The following THSD7B variants were observed in gnomAD, a reference collection of about 807,000 sequenced individuals.
THSD7B encodes the protein thrombospondin type-1 domain-containing protein 7B.
In THSD7B, 138 loss-of-function variants were observed where a neutral mutation model predicts 213.6. That is an observed-to-expected ratio of 0.65 (90% CI 0.56 to 0.74). The LOEUF (loss-of-function observed/expected upper bound fraction) is 0.74, where lower values mean the gene tolerates loss of function less well. Ranked by LOEUF, THSD7B falls within the 30% of genes least tolerant of loss-of-function variation. The probability of loss-of-function intolerance (pLI) is 0.00; values close to 1 mark genes in which losing one functional copy is unlikely to be tolerated. For missense variants in THSD7B, 1,931 were observed against 1,991.5 expected (o/e 0.97, Z 0.58); for synonymous variants, 742 against 687.0 (o/e 1.08, Z -1.25).
rs545228228 is a variant in THSD7B at position 137,141,327 on chromosome 2, T to G, written c.1370-18886T>G. On this transcript the variant is annotated intron_variant, in intron 5 of 27. Transcript: ENST00000409968. ...TAAGGATACATCTTCTGTAGAGAAT[T>G]TATAACAAAACTAAGACCAATCAGA... Among the ~76,000 whole-genome samples, 4 of 152,158 alleles carry G rather than the reference T, an allele frequency of 2.6e-5. 1 individual carries two copies. The East Asian group carries it at 7.7e-4, about 29-fold the overall frequency.
intron 4 of THSD7B, among the ~76,000 whole-genome samples, chr2:137,100,617 C>T (rs983642837): frequency 6.6e-6 from 1 of 152,002 alleles, no homozygotes; most frequent in South Asian, 2.1e-4. Flanking sequence ...TAGAAAAGTG[C>T]CTGGCTCGTA....
intron 2 of THSD7B, among the ~76,000 whole-genome samples, chr2:137,052,699 A>G (rs548102184): frequency 1.3e-5 from 2 of 152,246 alleles, no homozygotes; most frequent in Non-Finnish European, 2.9e-5. Flanking sequence ...TGCCAGTCAC[A>G]TTTTACTTCA....
chr2:136,837,119 C>T (rs1041755084), intron 1 of THSD7B, among the ~76,000 whole-genome samples: 22 of 152,146 alleles, frequency 1.4e-4, no homozygotes, highest in African/African-American at 4.1e-4. Flanking sequence ...CTTAACCTGG[C>T]GGGTCTGTAT....
chr2:137,355,200 T>C (rs951724943), intron 12 of THSD7B, among the ~76,000 whole-genome samples: 1 of 152,188 alleles, frequency 6.6e-6, no homozygotes, highest in Admixed American at 6.6e-5. Flanking sequence ...AGTCTTGGGT[T>C]GAGTTTTATT....
At chr2:137,553,885 T>A (rs190062715) in intron 15 of THSD7B, among the ~76,000 whole-genome samples, 184 of 152,322 alleles carry the variant, frequency 1.2e-3, no homozygotes, top group Middle Eastern at 0.01. Context: ...GAATTGGGCA[T>A]CTGGGTAGTT....
At position 137,318,937 on chromosome 2, in the gene THSD7B, C is replaced by T. The variant is rs547757069; in HGVS notation, c.2500+42911C>T. 2.0e-4 allele frequency among the ~76,000 whole-genome samples: 30 copies of T among 151,380 alleles called. No homozygotes were observed. In the South Asian group the frequency reaches 4.2e-3, roughly 21 times the overall value. ...AGCCTCCCAAGTAGCCACAGGCACC[C>T]GCTTATCTTAAAGGAAGTTCTGAAG... On this transcript the variant is annotated intron_variant, in intron 12 of 27. Transcript: ENST00000409968.
intron 15 of THSD7B, among the ~76,000 whole-genome samples, chr2:137,506,721 G>A (rs796655197): frequency 3.3e-5 from 5 of 152,296 alleles, no homozygotes; most frequent in African/African-American, 1.2e-4. Flanking sequence ...CAGGTTTTAG[G>A]ATGACCTCCT....
At chr2:136,769,615 G>T (rs555762493) in intron 1 of THSD7B, among the ~76,000 whole-genome samples, 1 of 150,518 alleles carries the variant, frequency 6.6e-6, no homozygotes, top group South Asian at 2.1e-4. Flanking sequence ...ATACTGTTGT[G>T]ATGACTAAAA....
chr2:137,129,266 A>C (rs1428787943), intron 5 of THSD7B, among the ~76,000 whole-genome samples: 5 of 152,148 alleles, frequency 3.3e-5, no homozygotes, highest in Non-Finnish European at 5.9e-5. Context: ...CAACTTATTA[A>C]GACTTTTCTC....
intron 15 of THSD7B, among the ~76,000 whole-genome samples, chr2:137,456,849 C>A (rs1687772967): frequency 6.6e-6 from 1 of 152,152 alleles, no homozygotes; most frequent in African/African-American, 2.4e-5. Flanking sequence ...CCTCTCTCTG[C>A]ATAGTAATAA....
chr2:137,559,241 G>T (rs1176890965), intron 15 of THSD7B, among the ~76,000 whole-genome samples: 1 of 152,108 alleles, frequency 6.6e-6, no homozygotes, highest in Non-Finnish European at 1.5e-5. Context: ...AACCAAAAAA[G>T]AGCCCGCATT....
At chr2:137,043,973 A>C (rs918877574) in intron 2 of THSD7B, among the ~76,000 whole-genome samples, 1 of 152,324 alleles carries the variant, frequency 6.6e-6, no homozygotes, top group African/African-American at 2.4e-5. Flanking sequence ...ACCCTTCAGA[A>C]CAATAATCTC....
chr2:137,588,640 A>G (rs1411510050), intron 17 of THSD7B, among the ~76,000 whole-genome samples: 2 of 152,108 alleles, frequency 1.3e-5, no homozygotes, highest in Admixed American at 6.5e-5. Context: ...TTTTTAGCTC[A>G]TATAGTCTCA....
At chr2:137,498,176 A>G in intron 15 of THSD7B, among the ~76,000 whole-genome samples, 1 of 152,224 alleles carries the variant, frequency 6.6e-6, no homozygotes, top group South Asian at 2.1e-4. Flanking sequence ...AAATTAAATT[A>G]ATCTATGGAT....
chr2:137,280,389 T>C (rs1682979230), intron 12 of THSD7B, among the ~76,000 whole-genome samples: 1 of 152,158 alleles, frequency 6.6e-6, no homozygotes, highest in African/African-American at 2.4e-5. Context: ...TCTTTTTCAT[T>C]TGAAAGGATA....
chr2:137,111,359 G>A (rs1317328794), intron 4 of THSD7B, among the ~76,000 whole-genome samples: 2 of 152,102 alleles, frequency 1.3e-5, no homozygotes, highest in African/African-American at 4.8e-5. Flanking sequence ...TGTACTACTT[G>A]ATTGAGCTTT....
At chr2:137,367,113 C>A (rs890763553) in intron 12 of THSD7B, among the ~76,000 whole-genome samples, 1 of 151,960 alleles carries the variant, frequency 6.6e-6, no homozygotes, top group African/African-American at 2.4e-5. Flanking sequence ...CTTTCCCTGG[C>A]ATCCATGATG....
At chr2:137,341,496 T>TA (rs984330288) in intron 12 of THSD7B, among the ~76,000 whole-genome samples, 2 of 151,624 alleles carry the variant, frequency 1.3e-5, no homozygotes, top group African/African-American at 4.8e-5. Context: ...TGGGGTCAAA[T>TA]AAAAAAACAA....
intron 6 of THSD7B, among the ~76,000 whole-genome samples, chr2:137,169,947 G>A (rs947239530): frequency 6.6e-6 from 1 of 152,152 alleles, no homozygotes; most frequent in Non-Finnish European, 1.5e-5. Context: ...AAGAGTCAAC[G>A]GAAGCTGAAT....
Sources: allele counts gnomAD v4.1 joint callset (sites outside exome capture counted in the v4.1 genomes callset), GRCh38; gene constraint gnomAD v4.1.1; transcripts MANE v1.5; gene names NCBI Gene and HGNC (gene_info 2026-07-23, HGNC 2026-07-21).